Variants in CDC25B observed in about 807,000 individuals in gnomAD.
The protein encoded by CDC25B is cell division cycle 25B, also known as M-phase inducer phosphatase 2.
CDC25B carries 33 observed loss-of-function variants against 69.8 expected under a neutral mutation model. The observed-to-expected ratio is 0.47, with a 90% confidence interval of 0.36 to 0.63. CDC25B has a LOEUF of 0.63. Among genes scored for constraint, CDC25B ranks in the 30% least tolerant of loss-of-function variants. CDC25B has a pLI of 0.00. For synonymous variants in CDC25B, 341 were observed against 314.6 expected (o/e 1.08, Z -0.89); for missense variants, 727 against 809.1 (o/e 0.90, Z 1.23).
At chr20:3,794,679 C>G (rs1203768790), upstream of CDC25B, among the ~76,000 whole-genome samples, 1 of 152,148 alleles carries the variant, frequency 6.6e-6, no homozygotes, top group Non-Finnish European at 1.5e-5. Flanking sequence ...TTGCAGAGCC[C>G]TCTGCACAGC....
At position 3,791,069 on chromosome 20, in the gene CDC25B, T is replaced by G. The variant is rs1239213552; in HGVS notation, c.8+3930T>G. On this transcript the variant is annotated intron_variant, in intron 1 of 15. Transcript: ENST00000344256. ...ATGATCTCAACATGTAGTCTTTCAA[T>G]AATGAGCCCCTACCAAGCAGGCATC... Among the ~76,000 whole-genome samples the G allele has an allele frequency of 2.0e-5, 3 of 152,182 alleles. No individual in the cohort carries two copies. In the East Asian group the frequency reaches 5.8e-4, roughly 29 times the overall value.
Position 3,789,785 on chromosome 20 carries a change from C to T in CDC25B, c.8+2646C>T, listed in dbSNP as rs571999575. 6.0e-4 allele frequency among the ~76,000 whole-genome samples: 91 copies of T among 152,244 alleles called. 1 individual carries two copies. In the South Asian group the frequency reaches 0.016, roughly 27 times the overall value. Reference sequence around the variant, plus strand: ...TGGGCAGATTACGAGGTCAGGAGATCGAGATCATCCTGGCTAACACGGTGG... The same window carrying T: ...TGGGCAGATTACGAGGTCAGGAGATTGAGATCATCCTGGCTAACACGGTGG... On this transcript the variant is annotated intron_variant, in intron 1 of 15. Coordinates refer to the CDC25B transcript ENST00000344256.
intron 11 of CDC25B, chr20:3,802,630 C>G: frequency 5.0e-6 from 3 of 598,608 alleles, no homozygotes; most frequent in Non-Finnish European, 8.9e-6. Context: ...TAGCTTGGAA[C>G]CCCCTCATGC....
In CDC25B at chr20:3,805,185, T is replaced by A. The variant is rs1247988427; in HGVS notation, c.*224T>A. ...CCCTGGAAGAGCCCAGTCTGTTGAG[T>A]TAGTTAAGTTGGGTTAATACCAGCT... On this transcript the variant is annotated 3_prime_UTR_variant, in exon 16 of 16. Coordinates refer to ENST00000245960, the MANE Select transcript of CDC25B (RefSeq NM_021873.4). The A allele has an allele frequency of 3.5e-6, 2 of 577,130 alleles. No homozygotes were observed. Among genetic ancestry groups the A allele is most frequent in the Non-Finnish European group, 6.2e-6 (2 of 324,538 alleles). The allele number at this position is 577,130 out of a possible 1,614,324, so 35.8% of individuals were successfully genotyped here. A position where few individuals can be genotyped will look rare whatever the true frequency, so the allele number is the denominator to read the frequency against.
intron 8 of CDC25B, 160 bp from the exon 9 acceptor site, chr20:3,801,562 G>T (rs745499009): frequency 8.5e-6 from 9 of 1,054,042 alleles, no homozygotes; most frequent in Non-Finnish European, 1.2e-5. Flanking sequence ...ACAGGTGGCT[G>T]GTGCCACAGT....
chr20:3,802,972 G>A lies in CDC25B; in HGVS notation c.1257G>A (p.Thr419=), dbSNP rs1451159309. The change falls in exon 12 of 16, where the codon ACG becomes ACA. Residue 419 remains threonine (T), a splice_region_variant and synonymous_variant. Transcript: ENST00000245960. ...ACCTCAAGTACATCTCACCAGAAAC[G>A]GTAAACAGCGTTGCGTCATTTTCTA... ...HQDLKYISPE[T]MVALLTGKFS... 9 of 1,613,352 alleles carry A rather than the reference G, an allele frequency of 5.6e-6. No homozygotes were observed. Among genetic ancestry groups the A allele is most frequent in the East Asian group, 2.2e-5 (1 of 44,886 alleles).
rs1177996039 is a variant in CDC25B, at chr20:3,797,752, G to A, written c.328+3G>A. ...ATCCTCCGAATCTTCTGATGCAGGT[G>A]AGGCCCAGGGGAGCCTGGGGAGATC... On this transcript the variant is annotated splice_donor_region_variant and intron_variant, in intron 2 of 15. Coordinates refer to ENST00000245960, the MANE Select transcript of CDC25B (RefSeq NM_021873.4). 2 of 1,613,800 alleles carry A rather than the reference G, an allele frequency of 1.2e-6. No homozygotes were observed. The highest frequency in any genetic ancestry group is 1.1e-5 in the South Asian group (1 of 91,086).
At chr20:3,792,614 G>A (rs886648090), upstream of CDC25B, among the ~76,000 whole-genome samples, 16 of 152,092 alleles carry the variant, frequency 1.1e-4, no homozygotes, top group Non-Finnish European at 1.9e-4. Flanking sequence ...ATTTCAGGTC[G>A]GTGCCACCAG....
At chr20:3,799,837 C>G (rs963793330) in intron 3 of CDC25B, among the ~76,000 whole-genome samples, 1 of 152,134 alleles carries the variant, frequency 6.6e-6, no homozygotes, top group Non-Finnish European at 1.5e-5. Flanking sequence ...GGAGAGGAAG[C>G]CTAGCCTTGC....
chr20:3,801,186 T>A, intron 7 of CDC25B, 68 bp from the exon 8 acceptor site: 1 of 1,603,484 alleles, frequency 6.2e-7, no homozygotes, highest in Non-Finnish European at 8.5e-7. Flanking sequence ...CTGGGAACTT[T>A]TCCTCAGGAG....
intron 2 of CDC25B, 96 bp downstream of exon 2, chr20:3,797,845 T>C: frequency 6.8e-7 from 1 of 1,466,642 alleles, no homozygotes; most frequent in Non-Finnish European, 9.4e-7. Context: ...CAAACTAACA[T>C]CCTCCCCACA....
chr20:3,798,427 C>T lies in CDC25B; in HGVS notation c.344C>T (p.Ser115Phe), dbSNP rs973112376. 6.3e-6 allele frequency: 10 copies of T among 1,591,724 alleles called. No individual in the cohort carries two copies. Among genetic ancestry groups the T allele is most frequent in the South Asian group, 2.3e-5 (2 of 87,632 alleles). The change falls in exon 3 of 16, where the codon TCC (serine) becomes TTC (phenylalanine). Residue 115 changes from serine (S) to phenylalanine (F), a missense_variant. Coordinates refer to ENST00000245960, the MANE Select transcript of CDC25B (RefSeq NM_021873.4). ...GTCCCCTCAGGTCTCTGCATGGATT[C>T]CCCCAGCCCTATGGACCCCCACATG... ...ESSDAGLCMD[S>F]PSPMDPHMAE...
chr20:3,795,840 AC>A (rs2089015964), upstream of CDC25B: 2 of 984,556 alleles, frequency 2.0e-6, no homozygotes, highest in African/African-American at 3.5e-5. Flanking sequence ...CAACCGCGTG[AC>A]CTTGATTGAG....
At chr20:3,787,942 C>T (rs2088851257) in intron 1 of CDC25B, among the ~76,000 whole-genome samples, 1 of 152,126 alleles carries the variant, frequency 6.6e-6, no homozygotes, top group South Asian at 2.1e-4. Context: ...TCAAGACCAG[C>T]CTGGCCAATA....
chr20:3,795,628 G>A (rs1201867240), upstream of CDC25B: 2 of 820,908 alleles, frequency 2.4e-6, no homozygotes, highest in East Asian at 1.2e-4. Flanking sequence ...AAATTGGGCC[G>A]GTTGGGGTAA....
exon 1 of CDC25B, chr20:3,787,066 C>CTTT: frequency 2.8e-5 from 13 of 470,822 alleles, no homozygotes; most frequent in Admixed American, 7.9e-5. Flanking sequence ...AAATAACGCA[C>CTTT]TTTTTTTTTT....
chr20:3,803,182 T>C lies in CDC25B; in HGVS notation c.1332T>C (p.Tyr444=), dbSNP rs1366802124. The C allele has an allele frequency of 4.3e-6, 7 of 1,613,528 alleles. No individual in the cohort carries two copies. The highest frequency in any genetic ancestry group is 1.3e-5 in the African/African-American group (1 of 74,882). Residue 444 remains tyrosine, a synonymous_variant, in exon 13 of 16, where the codon TAT becomes TAC. Coordinates refer to ENST00000245960, the MANE Select transcript of CDC25B (RefSeq NM_021873.4). This position sits in a 1 kb window ranked among gnomAD's most constrained non-coding sequence, Gnocchi z 4.9. The part of the protein sequence containing the change: ...KFVIVDCRYP[Y]EYEGGHIKTA... ...TGATTGTAGACTGCAGATACCCCTA[T>C]GAATATGAAGGCGGGCACATCAAGG...
chr20:3,796,156 C>T, upstream of CDC25B: 1 of 1,128,324 alleles, frequency 8.9e-7, no homozygotes, highest in Non-Finnish European at 1.1e-6. Flanking sequence ...CCGGCCCACC[C>T]AAAGCCTGGA....
intron 3 of CDC25B, 134 bp from the exon 4 acceptor site, chr20:3,800,149 TCCCAC>T: frequency 1.4e-6 from 1 of 702,964 alleles, no homozygotes; most frequent in East Asian, 2.7e-5. Context: ...TGGGCGTTCT[TCCCAC>T]CCCACCCCTT....
Sources: allele counts gnomAD v4.1 joint callset (sites outside exome capture counted in the v4.1 genomes callset), GRCh38; gene constraint gnomAD v4.1.1; non-coding constraint Gnocchi (gnomAD v3.1); transcripts MANE v1.5; gene names NCBI Gene and HGNC (gene_info 2026-07-23, HGNC 2026-07-21).